ETFA: variants seen among roughly 807,000 people sequenced by gnomAD.
The protein encoded by ETFA is electron transfer flavoprotein subunit alpha, mitochondrial.
A neutral mutation model predicts 46.2 loss-of-function variants in ETFA; 22 were observed. The observed-to-expected ratio is 0.48, with a 90% CI of 0.34 to 0.68. The LOEUF (loss-of-function observed/expected upper bound fraction) is 0.68. ETFA is among the 30% of genes least tolerant of loss of function. The pLI is 0.01. For missense variants in ETFA, 345 were observed against 401.1 expected, an observed-to-expected ratio of 0.86 and a Z score of 1.19; for synonymous variants, 131 against 139.9, an observed-to-expected ratio of 0.94 and a Z score of 0.45.
intron 8 of ETFA, among the ~76,000 whole-genome samples, chr15:76,281,670 C>T (rs984255929): frequency 6.6e-6 from 1 of 151,944 alleles, no homozygotes; most frequent in Non-Finnish European, 1.5e-5. Flanking sequence ...CAGGTGATTA[C>T]AGGCGTAAGC....
intron 9 of ETFA, among the ~76,000 whole-genome samples, chr15:76,267,132 CAA>C (rs1183215062): frequency 6.6e-6 from 1 of 152,182 alleles, no homozygotes; most frequent in East Asian, 1.9e-4. Flanking sequence ...TCAGCAAGCA[CAA>C]GTAGAACGAA....
At chr15:76,299,121 T>C (rs1003410556) in intron 1 of ETFA, among the ~76,000 whole-genome samples, 1 of 152,202 alleles carries the variant, frequency 6.6e-6, no homozygotes, top group African/African-American at 2.4e-5. Context: ...CTTCAAACAC[T>C]GCTATTTAAA....
chr15:76,241,629 T>A (rs2039190027), intron 9 of ETFA, among the ~76,000 whole-genome samples: 1 of 145,896 alleles, frequency 6.9e-6, no homozygotes, highest in South Asian at 2.4e-4. Context: ...TGAAACTCTG[T>A]CTCTACTAAA....
intron 7 of ETFA, 128 bp from the exon 8 acceptor site, chr15:76,283,953 C>T (rs1416780374): frequency 1.5e-6 from 1 of 676,794 alleles, no homozygotes; most frequent in Non-Finnish European, 2.7e-6. Flanking sequence ...GTCACCTCCT[C>T]TATAAACCTT....
chr15:76,229,492 G>C (rs1025933750), intron 10 of ETFA, among the ~76,000 whole-genome samples: 7 of 152,210 alleles, frequency 4.6e-5, no homozygotes, highest in African/African-American at 1.4e-4. Context: ...ATTTTCACTG[G>C]TATCTTCTTG....
chr15:76,301,602 C>G (rs2039880751), intron 1 of ETFA, among the ~76,000 whole-genome samples: 1 of 152,126 alleles, frequency 6.6e-6, no homozygotes. Flanking sequence ...CCCAGCTACT[C>G]AGGAGGCTAA....
chr15:76,283,954 T>C (rs370514339), intron 7 of ETFA, 129 bp from the exon 8 acceptor site: 3 of 674,370 alleles, frequency 4.4e-6, no homozygotes, highest in Non-Finnish European at 8.0e-6. Context: ...TCACCTCCTC[T>C]ATAAACCTTT....
intron 9 of ETFA, among the ~76,000 whole-genome samples, chr15:76,258,014 C>G: frequency 1.2e-5 from 1 of 85,226 alleles, no homozygotes. Flanking sequence ...CTGTGGGGAC[C>G]GTTGTGGGGT....
chr15:76,280,138 A>G (rs1363477098), intron 8 of ETFA, among the ~76,000 whole-genome samples: 1 of 152,070 alleles, frequency 6.6e-6, no homozygotes, highest in Non-Finnish European at 1.5e-5. Context: ...TATCATCCAA[A>G]TGAACTGATT....
chr15:76,288,857 C>T (rs2469549), intron 4 of ETFA, among the ~76,000 whole-genome samples: 148,042 of 151,290 alleles, frequency 0.98, 72,515 homozygotes, highest in South Asian at 1. Flanking sequence ...TTGTCCTCAG[C>T]AGCAGGAATC....
intron 9 of ETFA, among the ~76,000 whole-genome samples, chr15:76,252,393 A>G (rs1006258549): frequency 2.0e-5 from 3 of 152,226 alleles, no homozygotes; most frequent in Non-Finnish European, 2.9e-5. Flanking sequence ...GTTTCAGCCT[A>G]TCTTTCTAGC....
intron 1 of ETFA, among the ~76,000 whole-genome samples, chr15:76,298,332 C>T (rs982404541): frequency 2.6e-5 from 4 of 152,176 alleles, no homozygotes; most frequent in East Asian, 1.9e-4. Context: ...ATTGAGCCAT[C>T]GCACCTAGCC....
intron 9 of ETFA, among the ~76,000 whole-genome samples, chr15:76,250,292 A>G (rs1219558590): frequency 1.3e-5 from 2 of 152,140 alleles, no homozygotes; most frequent in South Asian, 2.1e-4. Flanking sequence ...ATAATATTAT[A>G]TATCAGTGCT....
At chr15:76,265,829 A>T (rs1309931414) in intron 9 of ETFA, among the ~76,000 whole-genome samples, 1 of 152,178 alleles carries the variant, frequency 6.6e-6, no homozygotes, top group South Asian at 2.1e-4. Context: ...AGGAAAAAAC[A>T]AAAATGGCCA....
At chr15:76,310,392 A>AT (rs2039985034) in intron 1 of ETFA, among the ~76,000 whole-genome samples, 1 of 147,958 alleles carries the variant, frequency 6.8e-6, no homozygotes, top group Non-Finnish European at 1.5e-5. Context: ...AAAAAAAAAA[A>AT]GGAGAAAAGG....
At chr15:76,288,004 G>T in intron 4 of ETFA, 59 bp from the exon 5 acceptor site, 3 of 1,026,088 alleles carry the variant, frequency 2.9e-6, no homozygotes, top group African/African-American at 1.6e-5. Context: ...GACTATAAAT[G>T]ATCAGTAATG....
At chr15:76,276,238 G>A (rs2176623) in intron 8 of ETFA, among the ~76,000 whole-genome samples, 62,862 of 151,720 alleles carry the variant, frequency 0.41, 15,285 homozygotes, top group Middle Eastern at 0.56. Flanking sequence ...CTACATTGGT[G>A]AGTGTTTTCT....
intron 9 of ETFA, among the ~76,000 whole-genome samples, chr15:76,240,931 ATAAAT>A (rs1285395850): frequency 2.6e-5 from 4 of 151,036 alleles, no homozygotes; most frequent in South Asian, 2.1e-4. Context: ...ATTAATAATA[ATAAAT>A]TAAATATAAT....
intron 9 of ETFA, among the ~76,000 whole-genome samples, chr15:76,263,277 G>A (rs754389436): frequency 4.6e-5 from 7 of 152,190 alleles, no homozygotes; most frequent in East Asian, 3.9e-4. Context: ...TGACTCCGCC[G>A]GACTTTGTAG....
Sources: allele counts gnomAD v4.1 joint callset (sites outside exome capture counted in the v4.1 genomes callset), GRCh38; gene constraint gnomAD v4.1.1; transcripts MANE v1.5; gene names NCBI Gene and HGNC (gene_info 2026-07-23, HGNC 2026-07-21).